The following COL24A1 variants were observed in gnomAD, a reference collection of about 807,000 sequenced individuals.
The protein encoded by COL24A1 is collagen alpha-1(XXIV) chain.
Under a neutral mutation model 253.9 loss-of-function variants are expected in COL24A1, and 224 were observed. That is an observed-to-expected ratio of 0.88 (90% confidence interval 0.79 to 0.99). COL24A1 has a LOEUF of 0.99. Ranked by LOEUF, COL24A1 falls within the 50% of genes least tolerant of loss-of-function variation. The pLI is 0.00. For synonymous variants in COL24A1, 685 were observed against 673.7 expected, an observed-to-expected ratio of 1.02 and a Z score of -0.26; for missense variants, 2,131 against 2,068.5, an observed-to-expected ratio of 1.03 and a Z score of -0.59.
Position 86,128,981 on chromosome 1 carries a change from T to C in COL24A1, c.122-2767A>G, listed in dbSNP as rs1648745549. ...CAATAAAATTGAAATTTCATTATTT[T>C]CTATAGCCTAAAACAATTTCAGTAA... On this transcript the variant is annotated intron_variant, in intron 2 of 59. Coordinates refer to ENST00000370571, the MANE Select transcript of COL24A1 (RefSeq NM_152890.7). Among the ~76,000 whole-genome samples the C allele has an allele frequency of 2.6e-5, 4 of 151,880 alleles. 1 individual carries two copies.
chr1:85,830,962 T>C (rs1057421041), intron 43 of COL24A1, among the ~76,000 whole-genome samples: 37 of 152,118 alleles, frequency 2.4e-4, no homozygotes, highest in African/African-American at 7.7e-4. Context: ...ATATTTATTC[T>C]TACAGCAAAG....
intron 10 of COL24A1, among the ~76,000 whole-genome samples, chr1:86,057,661 A>G (rs1700764070): frequency 6.6e-6 from 1 of 152,182 alleles, no homozygotes; most frequent in African/African-American, 2.4e-5. Context: ...TCATATATAA[A>G]TAACACTACA....
Position 86,051,599 on chromosome 1 carries a change from T to A in COL24A1, c.1852-1422A>T, listed in dbSNP as rs1700308266. Among the ~76,000 whole-genome samples the A allele has an allele frequency of 3.3e-5, 5 of 152,068 alleles. No individual in the cohort carries two copies. In the South Asian group the frequency reaches 1.0e-3, roughly 32 times the overall value. On this transcript the variant is annotated intron_variant, in intron 10 of 59. Transcript: ENST00000370571. Reference sequence around the variant, plus strand: ...TTGGAAAGGGTGGCAAGGGGTCATGTCATGAAGAGTCTTTTTTGTTATGAT... The same window carrying A: ...TTGGAAAGGGTGGCAAGGGGTCATGACATGAAGAGTCTTTTTTGTTATGAT...
Position 86,125,186 on chromosome 1 carries a change from C to T in COL24A1, c.1150G>A (p.Val384Ile), listed in dbSNP as rs1450522147. The change falls in exon 3 of 60, where the codon GTA becomes ATA. Residue 384 changes from valine to isoleucine, a missense_variant. Transcript: ENST00000370571. ...TTCTTAAACAGTGACAGACCAGTTA[C>T]TCTATCATCATGTTGTGTGATATTG... ...SDNITQHDDR[V>I]TGLSLFKKMP... The T allele has an allele frequency of 2.5e-6, 4 of 1,613,146 alleles. No homozygotes were observed. The African/African-American group carries it at 5.3e-5, about 22-fold the overall frequency.
Position 86,156,560 on chromosome 1 carries a change from G to C in COL24A1, c.-164C>G. On this transcript the variant is annotated 5_prime_UTR_variant, in exon 1 of 60. Coordinates refer to ENST00000370571, the MANE Select transcript of COL24A1 (RefSeq NM_152890.7). Reference sequence around the variant, plus strand: ...AAAAGGAGGGGAGGGGGTGAAGTCGGGAGGAGGTAGGAAATAGCACCCGAA... The same window carrying C: ...AAAAGGAGGGGAGGGGGTGAAGTCGCGAGGAGGTAGGAAATAGCACCCGAA... 1.9e-6 allele frequency: 1 copy of C among 518,956 alleles called. No homozygotes were observed. Among genetic ancestry groups the C allele is most frequent in the South Asian group, 3.6e-5 (1 of 27,456 alleles). 32.1% of individuals were successfully genotyped at this position (518,956 alleles called of 1,614,324 possible). A position where few individuals can be genotyped will look rare whatever the true frequency, so the allele number is the denominator to read the frequency against.
intron 14 of COL24A1, chr1:86,030,416 A>G (rs569541): frequency 0.33 from 50,704 of 152,166 alleles, 9,141 homozygotes; most frequent in Middle Eastern, 0.44. Flanking sequence ...GAGCATGGCT[A>G]GGTGACTGCC....
intron 34 of COL24A1, 112 bp downstream of exon 34, chr1:85,875,164 TG>T: frequency 1.1e-6 from 1 of 869,794 alleles, no homozygotes; most frequent in Non-Finnish European, 1.9e-6. Flanking sequence ...TGTTTTTATC[TG>T]GGGGCTTCCA....
intron 28 of COL24A1, among the ~76,000 whole-genome samples, chr1:85,906,832 G>A (rs1477402077): frequency 6.6e-6 from 1 of 151,456 alleles, no homozygotes; most frequent in African/African-American, 2.4e-5. Context: ...CTTTTATTTT[G>A]TCATGATGTT....
intron 24 of COL24A1, among the ~76,000 whole-genome samples, chr1:85,912,112 G>A (rs1685428142): frequency 1.3e-5 from 2 of 152,114 alleles, no homozygotes; most frequent in African/African-American, 2.4e-5. Context: ...GGAAGACTGA[G>A]GCCTGACATT....
At chr1:86,001,460 G>C (rs981350599) in intron 19 of COL24A1, among the ~76,000 whole-genome samples, 2 of 152,190 alleles carry the variant, frequency 1.3e-5, no homozygotes, top group African/African-American at 4.8e-5. Context: ...TGAGAGGTAT[G>C]AAAGTTTCTA....
At chr1:86,018,210 G>A (rs922809607) in intron 18 of COL24A1, among the ~76,000 whole-genome samples, 14 of 152,054 alleles carry the variant, frequency 9.2e-5, no homozygotes, top group Admixed American at 7.9e-4. Context: ...GTTACAATAC[G>A]GGATTGCCCA....
At chr1:85,757,829 A>C (rs953328049) in intron 55 of COL24A1, among the ~76,000 whole-genome samples, 1 of 152,208 alleles carries the variant, frequency 6.6e-6, no homozygotes, top group African/African-American at 2.4e-5. Context: ...CTAAGTGCCC[A>C]CATCGAAGTA....
chr1:85,756,623 A>C (rs1432592758), intron 55 of COL24A1, among the ~76,000 whole-genome samples: 1 of 152,224 alleles, frequency 6.6e-6, no homozygotes, highest in African/African-American at 2.4e-5. Context: ...GTGGTAATGT[A>C]AAGTGTGTGG....
At chr1:85,863,209 A>G (rs996705522) in intron 37 of COL24A1, among the ~76,000 whole-genome samples, 2 of 152,106 alleles carry the variant, frequency 1.3e-5, no homozygotes, top group African/African-American at 4.8e-5. Context: ...GCTTAAGGAG[A>G]TTTTGGGCTG....
chr1:85,872,001 A>C (rs549221101), intron 35 of COL24A1, among the ~76,000 whole-genome samples: 35 of 152,312 alleles, frequency 2.3e-4, no homozygotes, highest in East Asian at 5.8e-4. Flanking sequence ...TCAGCAAAGT[A>C]TCAGGATACA....
chr1:86,042,016 G>A (rs1415492533), intron 12 of COL24A1, among the ~76,000 whole-genome samples: 1 of 151,998 alleles, frequency 6.6e-6, no homozygotes, highest in East Asian at 1.9e-4. Flanking sequence ...TAATAATAAG[G>A]GTTTTGATCC....
At chr1:85,836,883 G>A (rs146802879) in intron 43 of COL24A1, among the ~76,000 whole-genome samples, 128 of 152,302 alleles carry the variant, frequency 8.4e-4, no homozygotes, top group African/African-American at 3.0e-3. Flanking sequence ...AGAAAACGCC[G>A]GCAGGGCTTT....
intron 55 of COL24A1, among the ~76,000 whole-genome samples, chr1:85,747,158 C>G (rs1426255760): frequency 7.3e-6 from 1 of 136,558 alleles, no homozygotes; most frequent in Non-Finnish European, 1.5e-5. Context: ...GTCACCCAGG[C>G]TGAAGTGCAG....
intron 35 of COL24A1, 54 bp from the exon 36 acceptor site, chr1:85,868,889 CTTATT>C (rs1680090850): frequency 6.2e-6 from 8 of 1,288,728 alleles, no homozygotes; most frequent in African/African-American, 3.0e-5. Flanking sequence ...TATCATTTAT[CTTATT>C]TTATTTTTAG....
Sources: gnomAD v4.1 joint callset for allele counts (sites outside exome capture counted in the v4.1 genomes callset) on GRCh38, gnomAD v4.1.1 for gene constraint, MANE v1.5 for transcripts, NCBI Gene and HGNC (gene_info 2026-07-23, HGNC 2026-07-21) for gene names.